Variants in MALRD1 observed in about 807,000 individuals in gnomAD.
MALRD1 encodes the protein MAM and LDL receptor class A domain containing 1, also known as MAM and LDL-receptor class A domain-containing protein 1.
In MALRD1, 247 loss-of-function variants were observed where a neutral mutation model predicts 242.1. That is an observed-to-expected ratio of 1.02 (90% CI 0.92 to 1.13). The LOEUF is 1.13. Ranked by LOEUF, MALRD1 falls within the 50% of genes most tolerant of loss-of-function variation. The probability of loss-of-function intolerance (pLI) is 0.00; values close to 1 mark genes in which losing one functional copy is unlikely to be tolerated. For missense variants in MALRD1, 2,989 were observed against 2,533.1 expected (o/e 1.18, Z -3.86); for synonymous variants, 995 against 866.6 (o/e 1.15, Z -2.60).
chr10:19,615,521 A>AC (rs1390931313), intron 35 of MALRD1, among the ~76,000 whole-genome samples: 1 of 145,772 alleles, frequency 6.9e-6, no homozygotes, highest in Non-Finnish European at 1.5e-5. Flanking sequence ...TGCCTCAAAA[A>AC]AAAAAAAAAA....
chr10:19,714,455 A>G (rs573433571), intron 38 of MALRD1, among the ~76,000 whole-genome samples: 1 of 151,620 alleles, frequency 6.6e-6, no homozygotes, highest in East Asian at 2.0e-4. Flanking sequence ...AGCTGCCTGC[A>G]TGTCTGTCTG....
At chr10:19,205,878 A>G (rs10827053) in intron 17 of MALRD1, among the ~76,000 whole-genome samples, 36,374 of 151,212 alleles carry the variant, frequency 0.24, 4,734 homozygotes, top group South Asian at 0.53. Context: ...ACTTAGTGGT[A>G]CAGTGCGGAA....
At chr10:19,460,139 G>A (rs567251024) in intron 29 of MALRD1, among the ~76,000 whole-genome samples, 53 of 152,166 alleles carry the variant, frequency 3.5e-4, no homozygotes, top group African/African-American at 1.3e-3. Context: ...GAATATTGAT[G>A]TTTATCAAGA....
chr10:19,543,365 G>A (rs1038489902), intron 32 of MALRD1, among the ~76,000 whole-genome samples: 1 of 150,738 alleles, frequency 6.6e-6, no homozygotes, highest in African/African-American at 2.4e-5. Context: ...CCAGGCTCAA[G>A]CAATTCTCTG....
intron 26 of MALRD1, among the ~76,000 whole-genome samples, chr10:19,380,775 CATT>C (rs1261477702): frequency 2.6e-5 from 4 of 152,080 alleles, no homozygotes; most frequent in Non-Finnish European, 4.4e-5. Flanking sequence ...AAAAATTTGG[CATT>C]ATTGTTGTCA....
In MALRD1 at chr10:19,295,511, T is replaced by C. The variant is rs145771427; in HGVS notation, c.3419+12330T>C. Among the ~76,000 whole-genome samples the C allele has an allele frequency of 7.8e-3, 1,186 of 151,800 alleles. 10 individuals are homozygous for C. The highest frequency in any genetic ancestry group is 0.027 in the African/African-American group (1,136 of 41,394). On this transcript the variant is annotated intron_variant, in intron 21 of 39. Transcript: ENST00000454679. Reference sequence around the variant, plus strand: ...TCCTGTTTGTGCCCTTGGCTTGGTTTGAAGTGTGCAGTCAGAAGATAATAG... The same window carrying C: ...TCCTGTTTGTGCCCTTGGCTTGGTTCGAAGTGTGCAGTCAGAAGATAATAG...
At chr10:19,655,033 C>T (rs1841077039) in intron 36 of MALRD1, among the ~76,000 whole-genome samples, 1 of 152,010 alleles carries the variant, frequency 6.6e-6, no homozygotes, top group African/African-American at 2.4e-5. Context: ...TAGAAACAAA[C>T]ACGATGCAAT....
At chr10:19,498,427 G>T (rs1837821129) in intron 30 of MALRD1, 58 bp from the exon 31 acceptor site, 1 of 1,428,264 alleles carries the variant, frequency 7.0e-7, no homozygotes, top group Admixed American at 2.2e-5. Context: ...CAAATATAGG[G>T]TAGTAGCAAA....
intron 14 of MALRD1, among the ~76,000 whole-genome samples, chr10:19,186,027 G>C (rs1011643874): frequency 6.6e-6 from 1 of 152,036 alleles, no homozygotes; most frequent in African/African-American, 2.4e-5. Context: ...ATGAGCTGCT[G>C]TTTTCTGTGT....
intron 36 of MALRD1, among the ~76,000 whole-genome samples, chr10:19,649,208 G>A (rs1270794531): frequency 6.6e-6 from 1 of 152,116 alleles, no homozygotes; most frequent in Admixed American, 6.6e-5. Context: ...TCATGTTTAT[G>A]TGTCTTTATG....
At chr10:19,138,271 T>A (rs1833421955) in intron 10 of MALRD1, among the ~76,000 whole-genome samples, 1 of 152,286 alleles carries the variant, frequency 6.6e-6, no homozygotes, top group East Asian at 1.9e-4. Flanking sequence ...TTTACTCCAA[T>A]GTATGTGAAG....
chr10:19,618,714 T>C (rs1191471732), intron 36 of MALRD1, among the ~76,000 whole-genome samples: 1 of 152,066 alleles, frequency 6.6e-6, no homozygotes, highest in Admixed American at 6.6e-5. Context: ...AAACCCCTTG[T>C]ATTAAAAAGG....
At chr10:19,588,795 A>G (rs1214904821) in intron 33 of MALRD1, among the ~76,000 whole-genome samples, 3 of 152,120 alleles carry the variant, frequency 2.0e-5, no homozygotes, top group Non-Finnish European at 2.9e-5. Context: ...GCCACCCACT[A>G]CCATGCCTGT....
intron 25 of MALRD1, among the ~76,000 whole-genome samples, chr10:19,349,525 C>G (rs1844280504): frequency 6.6e-6 from 1 of 152,164 alleles, no homozygotes; most frequent in Non-Finnish European, 1.5e-5. Context: ...AGTGACAGAA[C>G]TTGGTCAGCA....
At chr10:19,121,225 G>A (rs1358144571) in intron 5 of MALRD1, among the ~76,000 whole-genome samples, 1 of 151,666 alleles carries the variant, frequency 6.6e-6, no homozygotes, top group Non-Finnish European at 1.5e-5. Context: ...ATTTTTAGTA[G>A]AGATGGGGTT....
chr10:19,286,665 G>A (rs1215573435), intron 21 of MALRD1, among the ~76,000 whole-genome samples: 1 of 151,750 alleles, frequency 6.6e-6, no homozygotes, highest in East Asian at 1.9e-4. Flanking sequence ...AGCTGAAATT[G>A]TGACAATAAT....
chr10:19,661,456 T>TA (rs1427832094), intron 36 of MALRD1, among the ~76,000 whole-genome samples: 2 of 152,132 alleles, frequency 1.3e-5, no homozygotes, highest in South Asian at 2.1e-4. Context: ...TATGCAGCCA[T>TA]AAAAAAAGAT....
chr10:19,338,638 A>G (rs940959206), intron 24 of MALRD1, among the ~76,000 whole-genome samples: 7 of 152,012 alleles, frequency 4.6e-5, no homozygotes, highest in Non-Finnish European at 1.0e-4. Flanking sequence ...TAGTAGGTGT[A>G]TATATTTATG....
chr10:19,161,426 C>T (rs531498806), intron 12 of MALRD1, among the ~76,000 whole-genome samples: 38 of 129,786 alleles, frequency 2.9e-4, no homozygotes, highest in Admixed American at 1.8e-3. Context: ...GTGGGTGCAG[C>T]GCACCAGCGT....
Sources: allele counts gnomAD v4.1 joint callset (sites outside exome capture counted in the v4.1 genomes callset), GRCh38; gene constraint gnomAD v4.1.1; transcripts MANE v1.5; gene names NCBI Gene and HGNC (gene_info 2026-07-23, HGNC 2026-07-21).